Variants in LSAMP observed in about 807,000 individuals in gnomAD.
The protein encoded by LSAMP is limbic system-associated membrane protein.
Under a neutral mutation model 38.6 loss-of-function variants are expected in LSAMP, and 7 were observed. The ratio of observed to expected loss-of-function variants is 0.18; its 90% CI spans 0.10 to 0.34. LSAMP has a LOEUF of 0.34. Among genes scored for constraint, LSAMP ranks in the 10% least tolerant of loss-of-function variants. The pLI, the probability that LSAMP is intolerant of heterozygous loss-of-function variation, is 1.00. For missense variants in LSAMP, 313 were observed against 420.0 expected (o/e 0.75, Z 2.23); for synonymous variants, 154 against 166.8 (o/e 0.92, Z 0.59).
rs1933671444 is a variant in LSAMP, at chr3:115,808,078, CCTTT to C, written c.*2235_*2238del. 1.4e-5 allele frequency: 2 copies of C among 147,434 alleles called. No individual in the cohort carries two copies. Among genetic ancestry groups the C allele is most frequent in the South Asian group, 4.4e-4 (2 of 4,540 alleles). The allele number at this position is 147,434 out of a possible 1,614,324, so 9.1% of individuals were successfully genotyped here. On this transcript the variant is annotated 3_prime_UTR_variant, in exon 7 of 7. Coordinates refer to ENST00000490035, the MANE Select transcript of LSAMP (RefSeq NM_002338.5). The stretch of plus-strand genomic sequence containing the variant: ...ATCTTTCTCCCTCCTGCCTTCCTTT[CCTTT>C]CTCCTTCCTTCCTTCCTTCCTTCCT...
At chr3:116,244,613 A>G (rs1049018630) in intron 1 of LSAMP, among the ~76,000 whole-genome samples, 1 of 152,206 alleles carries the variant, frequency 6.6e-6, no homozygotes, top group East Asian at 1.9e-4. Context: ...AGGGACTCTC[A>G]CACAGCATCT....
At chr3:115,880,061 A>C (rs1267371529) in intron 3 of LSAMP, among the ~76,000 whole-genome samples, 1 of 152,216 alleles carries the variant, frequency 6.6e-6, no homozygotes, top group Non-Finnish European at 1.5e-5. Context: ...AATACACTGA[A>C]TGCAACAGAT....
At chr3:116,179,618 G>A (rs1208907712) in intron 1 of LSAMP, among the ~76,000 whole-genome samples, 2 of 152,130 alleles carry the variant, frequency 1.3e-5, no homozygotes. Flanking sequence ...CATGGCCGGA[G>A]CAGGAGGAAG....
Position 116,301,402 on chromosome 3 carries a change from A to AAAT in LSAMP, c.155+143472_155+143474dup, listed in dbSNP as rs2047406745. Among the ~76,000 whole-genome samples, 18 of 152,334 alleles carry AAAT rather than the reference A, an allele frequency of 1.2e-4. No homozygotes were observed. In the South Asian group the frequency reaches 3.7e-3, roughly 32 times the overall value. On this transcript the variant is annotated intron_variant, in intron 1 of 6. Transcript: ENST00000490035. ...ATCCAAAAAGCAAACAAACAAAAAT[A>AAAT]AATAAAACAAAATCAATAATGAAGA...
chr3:116,326,581 C>A (rs752668823), intron 1 of LSAMP, among the ~76,000 whole-genome samples: 2 of 152,084 alleles, frequency 1.3e-5, no homozygotes, highest in Non-Finnish European at 2.9e-5. Flanking sequence ...CAGCACTTAG[C>A]CTGATATTAG....
chr3:116,175,369 T>C (rs1710312709), intron 1 of LSAMP, among the ~76,000 whole-genome samples: 1 of 152,120 alleles, frequency 6.6e-6, no homozygotes, highest in African/African-American at 2.4e-5. Context: ...CAAATATTTA[T>C]TATTTCTTTG....
intron 1 of LSAMP, among the ~76,000 whole-genome samples, chr3:116,341,772 G>C (rs904701016): frequency 6.6e-6 from 1 of 151,996 alleles, no homozygotes; most frequent in Non-Finnish European, 1.5e-5. Flanking sequence ...CGCCTTCCTT[G>C]ACTCTGGTTC....
intron 1 of LSAMP, among the ~76,000 whole-genome samples, chr3:116,101,037 G>A (rs1708335980): frequency 6.6e-6 from 1 of 152,094 alleles, no homozygotes; most frequent in Admixed American, 6.5e-5. Flanking sequence ...TATTTTAAGA[G>A]TGGGCCCAAA....
At chr3:116,411,520 A>G (rs1314656500) in intron 1 of LSAMP, among the ~76,000 whole-genome samples, 3 of 150,750 alleles carry the variant, frequency 2.0e-5, no homozygotes, top group Non-Finnish European at 3.0e-5. Flanking sequence ...GTAAACTATC[A>G]CAAGGACAAA....
Position 116,045,257 on chromosome 3 carries a change from C to T in LSAMP, c.389-25617G>A, listed in dbSNP as rs142496346. Among the ~76,000 whole-genome samples the T allele has an allele frequency of 5.1e-4, 78 of 152,260 alleles. 2 individuals are homozygous for T. The East Asian group carries it at 0.013, about 25-fold the overall frequency. Reference sequence around the variant, plus strand: ...TTTCTTCAAGTGCCTCTAAATTCTGCACTTTATTATCTTTACCAATCATTT... The same window carrying T: ...TTTCTTCAAGTGCCTCTAAATTCTGTACTTTATTATCTTTACCAATCATTT... On this transcript the variant is annotated intron_variant, in intron 2 of 6. Transcript: ENST00000490035.
intron 1 of LSAMP, among the ~76,000 whole-genome samples, chr3:116,182,459 A>G (rs1710509451): frequency 6.6e-6 from 1 of 151,720 alleles, no homozygotes; most frequent in Non-Finnish European, 1.5e-5. Context: ...AGCCTAATCT[A>G]GAAGTCTGCC....
chr3:116,359,363 A>C (rs968563609), intron 1 of LSAMP, among the ~76,000 whole-genome samples: 8 of 152,196 alleles, frequency 5.3e-5, no homozygotes, highest in African/African-American at 1.2e-4. Context: ...ATGATAAAAA[A>C]ATGCATAGGC....
intron 3 of LSAMP, among the ~76,000 whole-genome samples, chr3:115,991,297 G>A (rs1309118349): frequency 6.6e-6 from 1 of 151,956 alleles, no homozygotes; most frequent in African/African-American, 2.4e-5. Context: ...ATCACCTACA[G>A]TATGTAGATT....
chr3:116,423,714 T>A (rs143536809), intron 1 of LSAMP, among the ~76,000 whole-genome samples: 5 of 152,016 alleles, frequency 3.3e-5, no homozygotes, highest in African/African-American at 1.2e-4. Context: ...AGAGAGCGAG[T>A]ACTGAACATA....
chr3:115,869,499 C>T (rs1576167896), intron 3 of LSAMP, among the ~76,000 whole-genome samples: 2 of 151,968 alleles, frequency 1.3e-5, no homozygotes, highest in African/African-American at 2.4e-5. Context: ...AAAGAAGATG[C>T]CACTATCTGG....
At chr3:116,207,350 CTT>C (rs1466249809) in intron 1 of LSAMP, among the ~76,000 whole-genome samples, 4 of 152,064 alleles carry the variant, frequency 2.6e-5, no homozygotes, top group Non-Finnish European at 5.9e-5. Context: ...GGTCTTGACT[CTT>C]TATCCAATTT....
intron 6 of LSAMP, among the ~76,000 whole-genome samples, chr3:115,835,338 G>A (rs1268009436): frequency 6.6e-6 from 1 of 152,120 alleles, no homozygotes; most frequent in Non-Finnish European, 1.5e-5. Context: ...AAAAGTATCT[G>A]ACAGTCCCAT....
chr3:116,388,464 C>T (rs1051411806), intron 1 of LSAMP, among the ~76,000 whole-genome samples: 2 of 152,116 alleles, frequency 1.3e-5, no homozygotes, highest in African/African-American at 4.8e-5. Context: ...ACTAAAGGAC[C>T]TTTCTAATTT....
At chr3:116,384,503 C>T (rs1274973200) in intron 1 of LSAMP, among the ~76,000 whole-genome samples, 1 of 152,088 alleles carries the variant, frequency 6.6e-6, no homozygotes, top group East Asian at 1.9e-4. Flanking sequence ...AGTGAGTCTG[C>T]AGCACACTGG....
Sources: allele counts gnomAD v4.1 joint callset (sites outside exome capture counted in the v4.1 genomes callset), GRCh38; gene constraint gnomAD v4.1.1; transcripts MANE v1.5; gene names NCBI Gene and HGNC (gene_info 2026-07-23, HGNC 2026-07-21).